KAZN: variants seen among roughly 807,000 people sequenced by gnomAD.
KAZN encodes the protein kazrin, periplakin interacting protein.
KAZN carries 40 observed loss-of-function variants against 87.4 expected under a neutral mutation model. The ratio of observed to expected loss-of-function variants is 0.46; its 90% CI spans 0.36 to 0.60. KAZN has a LOEUF of 0.60. Among genes scored for constraint, KAZN ranks in the 20% least tolerant of loss-of-function variants. The probability of loss-of-function intolerance (pLI) is 0.00; values close to 1 mark genes in which losing one functional copy is unlikely to be tolerated. For missense variants in KAZN, 898 were observed against 1,073.9 expected (o/e 0.84, Z 2.29); for synonymous variants, 466 against 458.3 (o/e 1.02, Z -0.22).
chr1:14,928,024 G>A (rs540349970), intron 1 of KAZN, among the ~76,000 whole-genome samples: 1 of 152,294 alleles, frequency 6.6e-6, no homozygotes, highest in African/African-American at 2.4e-5. Context: ...ATCCACAGAT[G>A]GGGAAACTGG....
chr1:14,840,059 C>G (rs1647766643), intron 1 of KAZN, among the ~76,000 whole-genome samples: 1 of 151,724 alleles, frequency 6.6e-6, no homozygotes, highest in Non-Finnish European at 1.5e-5. Flanking sequence ...TTCTGACCCT[C>G]CCTACCACCT....
intron 1 of KAZN, among the ~76,000 whole-genome samples, chr1:14,668,434 C>T (rs1011198821): frequency 5.9e-5 from 9 of 151,978 alleles, no homozygotes; most frequent in Non-Finnish European, 1.3e-4. Flanking sequence ...GGTCTAAAGG[C>T]ACAAAGAGAC....
In KAZN at chr1:13,898,382, G is replaced by A. The variant is rs150015804; in HGVS notation, c.91+4626G>A. Among the ~76,000 whole-genome samples, 96 of 152,324 alleles carry A rather than the reference G, an allele frequency of 6.3e-4. 1 individual carries two copies. The highest frequency in any genetic ancestry group is 2.2e-3 in the African/African-American group (91 of 41,574). On this transcript the variant is annotated intron_variant, in intron 1 of 16. Transcript: ENST00000636203. ...GACCCCCAGCTTGCAGACCATAGCTGGTGGGGACTTCATCTATTGTGCCAA... is the reference window on the plus strand; with the variant it reads ...GACCCCCAGCTTGCAGACCATAGCTAGTGGGGACTTCATCTATTGTGCCAA...
intron 2 of KAZN, among the ~76,000 whole-genome samples, chr1:14,336,315 C>T (rs1191904546): frequency 1.3e-5 from 2 of 152,204 alleles, no homozygotes; most frequent in Admixed American, 1.3e-4. Flanking sequence ...CTGTTTATGG[C>T]TGAATAATAT....
At chr1:14,530,310 A>T (rs1672138715) in intron 2 of KAZN, among the ~76,000 whole-genome samples, 1 of 152,164 alleles carries the variant, frequency 6.6e-6, no homozygotes, top group South Asian at 2.1e-4. Context: ...AGTCTGAGCC[A>T]CCTCTAACAG....
intron 1 of KAZN, among the ~76,000 whole-genome samples, chr1:13,973,697 C>A (rs1256224703): frequency 1.3e-5 from 2 of 152,184 alleles, no homozygotes; most frequent in Non-Finnish European, 2.9e-5. Flanking sequence ...CTCCAATAAC[C>A]CAGTTTGACA....
intron 1 of KAZN, among the ~76,000 whole-genome samples, chr1:14,879,180 C>G (rs551774932): frequency 1.3e-5 from 2 of 152,290 alleles, no homozygotes; most frequent in African/African-American, 4.8e-5. Context: ...GAGTGCTGAC[C>G]TTGTGCTGGT....
intron 1 of KAZN, among the ~76,000 whole-genome samples, chr1:14,136,662 G>A (rs936912100): frequency 6.6e-6 from 1 of 152,036 alleles, no homozygotes; most frequent in South Asian, 2.1e-4. Context: ...TAACCCAGGA[G>A]GGAGGGGAAG....
Position 14,732,470 on chromosome 1 carries a change from C to A in KAZN, c.226+133247C>A, listed in dbSNP as rs1283508898. Among the ~76,000 whole-genome samples, 6 of 152,100 alleles carry A rather than the reference C, an allele frequency of 3.9e-5. No homozygotes were observed. The South Asian group carries it at 6.3e-4, about 16-fold the overall frequency. On this transcript the variant is annotated intron_variant, in intron 1 of 14. Coordinates refer to ENST00000376030, the MANE Select transcript of KAZN (RefSeq NM_201628.3). The stretch of plus-strand genomic sequence containing the variant: ...CCGGGCCAATATGGTGAAACCCCCT[C>A]TCTATAAAAAATATATAAATTAGCT...
At chr1:14,274,089 G>T (rs975612354) in intron 2 of KAZN, among the ~76,000 whole-genome samples, 1 of 152,126 alleles carries the variant, frequency 6.6e-6, no homozygotes, top group African/African-American at 2.4e-5. Flanking sequence ...CACCCACTAC[G>T]GTTCCTATGT....
At chr1:13,999,360 CAAAAAA>C (rs1639677981) in intron 1 of KAZN, among the ~76,000 whole-genome samples, 2 of 148,400 alleles carry the variant, frequency 1.3e-5, no homozygotes, top group African/African-American at 5.2e-5. Context: ...AAACAAAAAA[CAAAAAA>C]CAAAAAACAA....
rs1391233568 is a variant in KAZN at position 15,037,266 on chromosome 1, G to A, written c.555+2381G>A. Among the ~76,000 whole-genome samples, 3 of 152,220 alleles carry A rather than the reference G, an allele frequency of 2.0e-5. 1 individual carries two copies. The highest frequency in any genetic ancestry group is 7.2e-5 in the African/African-American group (3 of 41,452). On this transcript the variant is annotated intron_variant, in intron 3 of 14. Coordinates refer to ENST00000376030, the MANE Select transcript of KAZN (RefSeq NM_201628.3). ...AGGACACAGTGGGGCCAGAGAACCAGCCCATAGCCTTCAGTGACGTGCTGG... is the reference window on the plus strand; with the variant it reads ...AGGACACAGTGGGGCCAGAGAACCAACCCATAGCCTTCAGTGACGTGCTGG...
At chr1:14,988,555 T>C (rs1323703073) in intron 2 of KAZN, among the ~76,000 whole-genome samples, 1 of 152,224 alleles carries the variant, frequency 6.6e-6, no homozygotes, top group African/African-American at 2.4e-5. Flanking sequence ...CTAATTTTCC[T>C]GATGCGAGAA....
intron 1 of KAZN, among the ~76,000 whole-genome samples, chr1:14,036,564 C>T (rs892539350): frequency 1.3e-5 from 2 of 151,956 alleles, no homozygotes; most frequent in Non-Finnish European, 2.9e-5. Flanking sequence ...ACTCAGGGGA[C>T]TGAGGCAGGA....
chr1:13,922,229 TC>T (rs796549910), intron 1 of KAZN, among the ~76,000 whole-genome samples: 1 of 152,010 alleles, frequency 6.6e-6, no homozygotes, highest in South Asian at 2.1e-4. Flanking sequence ...AGATCATCGG[TC>T]CCCCGCCCCC....
intron 8 of KAZN, chr1:15,067,793 G>T (rs1232702835): frequency 9.1e-6 from 9 of 985,206 alleles, no homozygotes; most frequent in Non-Finnish European, 1.1e-5. Flanking sequence ...GGGGTGACGG[G>T]GAGCGACCCA....
chr1:15,100,515 A>G (rs886308814), intron 10 of KAZN, among the ~76,000 whole-genome samples: 30 of 152,192 alleles, frequency 2.0e-4, no homozygotes, highest in Admixed American at 2.0e-3. Context: ...TGCAGGTGGG[A>G]TGCGGTGATC....
chr1:14,726,310 A>C (rs1643379003), intron 1 of KAZN, among the ~76,000 whole-genome samples: 1 of 152,216 alleles, frequency 6.6e-6, no homozygotes, highest in Admixed American at 6.5e-5. Flanking sequence ...GAATCAGAGC[A>C]CACAGGGGAC....
intron 1 of KAZN, among the ~76,000 whole-genome samples, chr1:14,936,139 T>C (rs1368429480): frequency 6.6e-6 from 1 of 152,244 alleles, no homozygotes; most frequent in African/African-American, 2.4e-5. Flanking sequence ...CAACCCTGGC[T>C]TTGCAGATTA....
Sources: allele counts gnomAD v4.1 joint callset (sites outside exome capture counted in the v4.1 genomes callset), GRCh38; gene constraint gnomAD v4.1.1; transcripts MANE v1.5; gene names NCBI Gene and HGNC (gene_info 2026-07-23, HGNC 2026-07-21).